Variants in DNAI4 observed in about 807,000 individuals in gnomAD.
DNAI4 encodes the protein WD repeat domain 78.
DNAI4 carries 85 observed loss-of-function variants against 105.8 expected under a neutral mutation model. The observed-to-expected ratio is 0.80, with a 90% CI of 0.67 to 0.96. DNAI4 has a LOEUF of 0.96. Among genes scored for constraint, DNAI4 ranks in the 40% least tolerant of loss-of-function variants. The probability of loss-of-function intolerance (pLI) is 0.00; values close to 1 mark genes in which losing one functional copy is unlikely to be tolerated. For synonymous variants in DNAI4, 352 were observed against 331.5 expected (o/e 1.06, Z -0.67); for missense variants, 1,014 against 1,005.6 (o/e 1.01, Z -0.11).
intron 13 of DNAI4, among the ~76,000 whole-genome samples, chr1:66,831,887 A>G (rs1209960128): frequency 2.6e-5 from 4 of 152,220 alleles, no homozygotes; most frequent in Admixed American, 2.0e-4. Flanking sequence ...AGGACACCTC[A>G]GGACACTAGA....
chr1:66,874,990 C>T (rs2100679371), intron 4 of DNAI4, 53 bp from the exon 5 acceptor site: 1 of 1,506,426 alleles, frequency 6.6e-7, no homozygotes, highest in Non-Finnish European at 8.9e-7. Flanking sequence ...TTTTAATTTG[C>T]ATTTTTCCTT....
intron 13 of DNAI4, among the ~76,000 whole-genome samples, chr1:66,832,503 G>C (rs757516728): frequency 6.6e-6 from 1 of 152,126 alleles, no homozygotes; most frequent in Non-Finnish European, 1.5e-5. Flanking sequence ...TACAAGGATG[G>C]TTACCAGAGG....
At chr1:66,815,208 T>C (rs1373485189) in intron 16 of DNAI4, among the ~76,000 whole-genome samples, 1 of 152,230 alleles carries the variant, frequency 6.6e-6, no homozygotes, top group Non-Finnish European at 1.5e-5. Flanking sequence ...AACTCATCTC[T>C]TTCTACTTCA....
intron 16 of DNAI4, among the ~76,000 whole-genome samples, chr1:66,820,514 C>T (rs1450937122): frequency 6.6e-6 from 1 of 151,516 alleles, no homozygotes; most frequent in African/African-American, 2.4e-5. Context: ...GGGACACAGG[C>T]AATTAACAAA....
intron 6 of DNAI4, among the ~76,000 whole-genome samples, chr1:66,864,291 A>G (rs1457976909): frequency 6.6e-6 from 1 of 152,248 alleles, no homozygotes; most frequent in African/African-American, 2.4e-5. Flanking sequence ...TGTTATGTAA[A>G]AGATGGGTAA....
intron 8 of DNAI4, among the ~76,000 whole-genome samples, chr1:66,843,561 C>A (rs548797799): frequency 6.6e-6 from 1 of 152,266 alleles, no homozygotes; most frequent in African/African-American, 2.4e-5. Context: ...TCAATTATGT[C>A]TCTCAATGGA....
chr1:66,905,941 T>TTTTG, intron 1 of DNAI4, among the ~76,000 whole-genome samples: 1 of 147,334 alleles, frequency 6.8e-6, no homozygotes, highest in African/African-American at 2.5e-5. Context: ...TTTTTTTTTT[T>TTTTG]GAGACGGAGT....
intron 5 of DNAI4, among the ~76,000 whole-genome samples, chr1:66,873,782 A>G (rs1284864839): frequency 1.4e-5 from 2 of 146,810 alleles, no homozygotes; most frequent in Non-Finnish European, 3.0e-5. Flanking sequence ...TAATATTAAC[A>G]TTTCTTCCCA....
chr1:66,884,109 T>C (rs1358437268), intron 4 of DNAI4, among the ~76,000 whole-genome samples: 1 of 152,224 alleles, frequency 6.6e-6, no homozygotes, highest in Non-Finnish European at 1.5e-5. Flanking sequence ...TTATTTCACT[T>C]AGCATAATGT....
At chr1:66,880,555 C>G (rs566164864) in intron 4 of DNAI4, among the ~76,000 whole-genome samples, 1 of 152,064 alleles carries the variant, frequency 6.6e-6, no homozygotes, top group Non-Finnish European at 1.5e-5. Context: ...ATTCGTGGAA[C>G]TTGAACTTGA....
At chr1:66,835,516 G>C in intron 11 of DNAI4, 110 bp downstream of exon 11, 1 of 1,113,024 alleles carries the variant, frequency 9.0e-7, no homozygotes, top group East Asian at 2.4e-5. Flanking sequence ...CAAAAATAAT[G>C]GTATCACTCT....
rs1305542120 is a variant in DNAI4 at position 66,837,774 on chromosome 1, C to A, written c.1517G>T (p.Gly506Val). 6.2e-7 allele frequency: 1 copy of A among 1,604,356 alleles called. No individual in the cohort carries two copies. Among genetic ancestry groups the A allele is most frequent in the East Asian group, 2.2e-5 (1 of 44,536 alleles). The change falls in exon 10 of 17, where the codon GGG (glycine) becomes GTG (valine). Residue 506 changes from glycine (G) to valine (V), a missense_variant. Physicochemically the swap from Gly to Val is moderately radical, Grantham distance 109. Coordinates refer to ENST00000371026, the MANE Select transcript of DNAI4 (RefSeq NM_024763.5). ...TTTTTGCTCTTTAAATCCAAAGTGC[C>A]CATAGCCAACAGCCAAAAGATCCTG... ...TNPDLLAVGY[G>V]HFGFKEQKRG... is the part of the protein sequence containing the mutation.
Position 66,833,584 on chromosome 1 carries a change from C to A in DNAI4, c.2013+1G>T, listed in dbSNP as rs747604087. 1 of 1,612,552 alleles carries A rather than the reference C, an allele frequency of 6.2e-7. No individual in the cohort carries two copies. The highest frequency in any genetic ancestry group is 1.1e-5 in the South Asian group (1 of 90,960). On this transcript the variant is annotated splice_donor_variant, in intron 13 of 16. Coordinates refer to ENST00000371026, the MANE Select transcript of DNAI4 (RefSeq NM_024763.5). LOFTEE classifies it high-confidence loss of function. ...TGGTAAATAAGAGTGAAATAATTTACCTTGGGATGAAAAGCAAAACACATT... is the reference window on the plus strand; with the variant it reads ...TGGTAAATAAGAGTGAAATAATTTAACTTGGGATGAAAAGCAAAACACATT...
At chr1:66,864,122 GT>G (rs1413298098) in intron 6 of DNAI4, among the ~76,000 whole-genome samples, 3 of 152,122 alleles carry the variant, frequency 2.0e-5, no homozygotes, top group Non-Finnish European at 4.4e-5. Context: ...GCTCATTTTA[GT>G]TTGGGTACTA....
intron 1 of DNAI4, among the ~76,000 whole-genome samples, chr1:66,910,051 T>C (rs189729300): frequency 4.5e-4 from 68 of 152,166 alleles, no homozygotes; most frequent in African/African-American, 1.5e-3. Context: ...ATGACCTCTT[T>C]AAAACACATG....
At chr1:66,917,289 C>T (rs1327735389) in intron 1 of DNAI4, among the ~76,000 whole-genome samples, 2 of 152,188 alleles carry the variant, frequency 1.3e-5, no homozygotes, top group African/African-American at 2.4e-5. Flanking sequence ...AGAGGTAACA[C>T]ATTTGTCAAT....
chr1:66,896,497 G>A lies in DNAI4; in HGVS notation c.346-3084C>T, dbSNP rs1367999478. On this transcript the variant is annotated intron_variant, in intron 2 of 16. Transcript: ENST00000371026. Reference sequence around the variant, plus strand: ...AAGTGTGTGCACCAAAAGTTCACGTGTTGGAAATGTGGTCCCAATGCAGCA... The same window carrying A: ...AAGTGTGTGCACCAAAAGTTCACGTATTGGAAATGTGGTCCCAATGCAGCA... 3.3e-5 allele frequency among the ~76,000 whole-genome samples: 5 copies of A among 152,176 alleles called. No individual in the cohort carries two copies. In the East Asian group the frequency reaches 9.6e-4, roughly 29 times the overall value.
intron 2 of DNAI4, among the ~76,000 whole-genome samples, chr1:66,903,082 T>C (rs1433353110): frequency 1.3e-5 from 2 of 152,222 alleles, no homozygotes; most frequent in Non-Finnish European, 2.9e-5. Context: ...TGAAAAAATA[T>C]CACTGGGATT....
intron 5 of DNAI4, among the ~76,000 whole-genome samples, chr1:66,873,358 A>T (rs1199479202): frequency 6.8e-6 from 1 of 146,096 alleles, no homozygotes; most frequent in African/African-American, 2.5e-5. Context: ...TGATTCTCCT[A>T]CCTCAGCCTC....
Sources: allele counts gnomAD v4.1 joint callset (sites outside exome capture counted in the v4.1 genomes callset), GRCh38; gene constraint gnomAD v4.1.1; transcripts MANE v1.5; gene names NCBI Gene and HGNC (gene_info 2026-07-23, HGNC 2026-07-21).